ZSCAN4: variants seen among roughly 807,000 people sequenced by gnomAD.
ZSCAN4 encodes the protein zinc finger and SCAN domain containing 4.
ZSCAN4 carries 18 observed loss-of-function variants against 18.3 expected under a neutral mutation model. That is an observed-to-expected ratio of 0.98 (90% CI 0.68 to 1.46). The LOEUF (loss-of-function observed/expected upper bound fraction) is 1.46, where lower values mean the gene tolerates loss of function less well. Ranked by LOEUF, ZSCAN4 falls within the 40% of genes most tolerant of loss-of-function variation. The pLI, the probability that ZSCAN4 is intolerant of heterozygous loss-of-function variation, is 0.00. For synonymous variants in ZSCAN4, 193 were observed against 180.3 expected, an observed-to-expected ratio of 1.07 and a Z score of -0.57; for missense variants, 498 against 511.4, an observed-to-expected ratio of 0.97 and a Z score of 0.25.
exon 5 of ZSCAN4, chr19:57,678,532 A>G: frequency 6.2e-7 from 1 of 1,614,164 alleles, no homozygotes; most frequent in Admixed American, 1.7e-5. Context: ...GGAGTCCAAA[A>G]ATCATACAAA....
chr19:57,662,392 T>A, the ZSCAN4 span, among the ~76,000 whole-genome samples: 110 of 152,304 alleles, frequency 7.2e-4, no homozygotes, highest in African/African-American at 2.5e-3. Context: ...TTTTACATTC[T>A]ATGTATTTAA....
At chr19:57,665,362 G>A (rs754259439), upstream of ZSCAN4, among the ~76,000 whole-genome samples, 13 of 152,096 alleles carry the variant, frequency 8.5e-5, no homozygotes, top group Non-Finnish European at 1.8e-4. Flanking sequence ...ACTCCAGCAG[G>A]CTAAATCCCG....
At chr19:57,677,826 T>C in intron 3 of ZSCAN4, 88 bp from the exon 4 acceptor site, 6 of 1,287,980 alleles carry the variant, frequency 4.7e-6, no homozygotes, top group Non-Finnish European at 6.3e-6. Flanking sequence ...TGAGGGAGCT[T>C]GTGAGAGCCT....
At chr19:57,662,732 C>T in the ZSCAN4 span, among the ~76,000 whole-genome samples, 2 of 151,762 alleles carry the variant, frequency 1.3e-5, no homozygotes, top group African/African-American at 2.4e-5. Context: ...AGCTAATTTT[C>T]GTATTTTTAA....
chr19:57,675,776 C>T (rs779712325), intron 2 of ZSCAN4, among the ~76,000 whole-genome samples: 12 of 151,996 alleles, frequency 7.9e-5, no homozygotes, highest in Admixed American at 3.9e-4. Context: ...ACACCATTTG[C>T]GATGTATATG....
At chr19:57,670,740 G>A (rs1983993575) in intron 2 of ZSCAN4, among the ~76,000 whole-genome samples, 173 bp downstream of exon 2, 1 of 152,164 alleles carries the variant, frequency 6.6e-6, no homozygotes, top group African/African-American at 2.4e-5. Flanking sequence ...CCAGGTGTAG[G>A]GAATGGTCTT....
chr19:57,658,452 T>C, the ZSCAN4 span, among the ~76,000 whole-genome samples: 2 of 152,316 alleles, frequency 1.3e-5, no homozygotes, highest in South Asian at 4.1e-4. Flanking sequence ...ACACTGGAAA[T>C]TGGGGATCAT....
upstream of ZSCAN4, chr19:57,664,958 G>C (rs1983817167): frequency 6.3e-6 from 1 of 158,430 alleles, no homozygotes. Context: ...CATGGAGACC[G>C]GCCTGGGATT....
At chr19:57,673,317 G>A (rs1424842283) in intron 2 of ZSCAN4, among the ~76,000 whole-genome samples, 3 of 152,046 alleles carry the variant, frequency 2.0e-5, no homozygotes, top group Non-Finnish European at 2.9e-5. Context: ...GCGAGTCACC[G>A]TGCCCGGCCA....
At chr19:57,670,853 T>C (rs1029234359) in intron 2 of ZSCAN4, among the ~76,000 whole-genome samples, 1 of 146,246 alleles carries the variant, frequency 6.8e-6, no homozygotes, top group Non-Finnish European at 1.5e-5. Flanking sequence ...CGTATGACTT[T>C]ATGTTCTAGT....
exon 5 of ZSCAN4, chr19:57,678,579 C>A: frequency 6.2e-7 from 1 of 1,614,030 alleles, no homozygotes; most frequent in South Asian, 1.1e-5. Flanking sequence ...GTATCTCTGT[C>A]ACTTATTAGC....
chr19:57,655,958 G>A, the ZSCAN4 span, among the ~76,000 whole-genome samples: 1 of 152,044 alleles, frequency 6.6e-6, no homozygotes, highest in Non-Finnish European at 1.5e-5. Flanking sequence ...CCTCCTAACA[G>A]GCAGAATTAG....
At chr19:57,663,283 T>C in the ZSCAN4 span, among the ~76,000 whole-genome samples, 1 of 151,966 alleles carries the variant, frequency 6.6e-6, no homozygotes, top group Non-Finnish European at 1.5e-5. Context: ...ATATTTCAAC[T>C]AATACTATTT....
the ZSCAN4 span, among the ~76,000 whole-genome samples, chr19:57,661,958 G>C: frequency 6.6e-6 from 1 of 151,990 alleles, no homozygotes; most frequent in Non-Finnish European, 1.5e-5. Flanking sequence ...GTGCACGCCT[G>C]TAGTCCCAGC....
upstream of ZSCAN4, chr19:57,664,829 C>T (rs1599998916): frequency 5.5e-6 from 1 of 183,112 alleles, no homozygotes; most frequent in East Asian, 1.2e-4. Context: ...GATGAGAACA[C>T]AGCAACTCTG....
chr19:57,657,235 A>T, the ZSCAN4 span, among the ~76,000 whole-genome samples: 1 of 152,066 alleles, frequency 6.6e-6, no homozygotes, highest in Non-Finnish European at 1.5e-5. Flanking sequence ...CAGCCTGGGC[A>T]ACAAGAGTGA....
rs532842073 is a variant in ZSCAN4 at position 57,676,062 on chromosome 19, C to T, written c.-84C>T. On this transcript the variant is annotated 5_prime_UTR_variant, in exon 3 of 5. Coordinates refer to ENST00000318203, the Ensembl canonical transcript of ZSCAN4. The stretch of plus-strand genomic sequence containing the variant: ...CTAGCTTGCAGTTTTAAAGAATCCA[C>T]CAACTGTTGAAACAAATCCCTAGAG... 2.3e-4 allele frequency: 312 copies of T among 1,345,390 alleles called. No homozygotes were observed. In the African/African-American group the frequency reaches 3.9e-3, roughly 17 times the overall value. 83.3% of individuals were successfully genotyped at this position (1,345,390 alleles called of 1,614,324 possible). A position where few individuals can be genotyped will look rare whatever the true frequency, so the allele number is the denominator to read the frequency against.
At chr19:57,659,143 T>C in the ZSCAN4 span, among the ~76,000 whole-genome samples, 12 of 152,312 alleles carry the variant, frequency 7.9e-5, no homozygotes, top group East Asian at 1.4e-3. Context: ...CTGTAAGTCC[T>C]ACTATGAACA....
chr19:57,652,208 C>T, the ZSCAN4 span, among the ~76,000 whole-genome samples: 14 of 152,294 alleles, frequency 9.2e-5, no homozygotes, highest in Admixed American at 8.5e-4. Flanking sequence ...CCTCAAAACC[C>T]TGGGCTTGGT....
Sources: gnomAD v4.1 joint callset for allele counts (sites outside exome capture counted in the v4.1 genomes callset) on GRCh38, gnomAD v4.1.1 for gene constraint, MANE v1.5 for transcripts, NCBI Gene and HGNC (gene_info 2026-07-23, HGNC 2026-07-21) for gene names.